The following FOXN3 variants were observed in gnomAD, a reference collection of about 807,000 sequenced individuals.
The protein encoded by FOXN3 is forkhead box N3, also known as forkhead box protein N3.
A neutral mutation model predicts 38.4 loss-of-function variants in FOXN3; 7 were observed. The observed-to-expected ratio is 0.18, with a 90% CI of 0.10 to 0.34. The LOEUF (loss-of-function observed/expected upper bound fraction) is 0.34. Among genes scored for constraint, FOXN3 ranks in the 10% least tolerant of loss-of-function variants. The pLI is 1.00. For synonymous variants in FOXN3, 230 were observed against 242.2 expected, an observed-to-expected ratio of 0.95 and a Z score of 0.47; for missense variants, 456 against 613.4, an observed-to-expected ratio of 0.74 and a Z score of 2.71.
chr14:89,434,221 C>CTTTT (rs1197630812), intron 1 of FOXN3, among the ~76,000 whole-genome samples: 4 of 124,730 alleles, frequency 3.2e-5, no homozygotes, highest in African/African-American at 9.3e-5. Context: ...CTGCGCAAGC[C>CTTTT]TTTTTTTTTT....
intron 1 of FOXN3, among the ~76,000 whole-genome samples, chr14:89,416,119 C>A (rs1051682420): frequency 3.3e-5 from 5 of 152,190 alleles, no homozygotes; most frequent in African/African-American, 1.2e-4. Context: ...CCCCCGCCCA[C>A]CCAGCACGCG....
chr14:89,339,735 C>A (rs149785697), intron 3 of FOXN3, among the ~76,000 whole-genome samples: 10 of 152,366 alleles, frequency 6.6e-5, no homozygotes, highest in African/African-American at 2.4e-4. Context: ...TGGCCTCCTC[C>A]TCCTGAGGGT....
At chr14:89,431,241 G>T (rs571392637) in intron 1 of FOXN3, among the ~76,000 whole-genome samples, 3 of 151,954 alleles carry the variant, frequency 2.0e-5, no homozygotes, top group Non-Finnish European at 2.9e-5. Flanking sequence ...CTCTCTCCCA[G>T]GCTGGATGGA....
intron 4 of FOXN3, among the ~76,000 whole-genome samples, chr14:89,200,207 G>A (rs1329621279): frequency 6.6e-6 from 1 of 152,130 alleles, no homozygotes; most frequent in Non-Finnish European, 1.5e-5. Context: ...ACAGTGACTG[G>A]TAAACTCTAA....
At chr14:89,380,645 C>T (rs1890618121) in intron 2 of FOXN3, among the ~76,000 whole-genome samples, 1 of 152,256 alleles carries the variant, frequency 6.6e-6, no homozygotes, top group South Asian at 2.1e-4. Context: ...CTGCTTCTCA[C>T]TCAGCATGCT....
At chr14:89,234,973 G>A (rs567785056) in intron 4 of FOXN3, among the ~76,000 whole-genome samples, 1 of 152,262 alleles carries the variant, frequency 6.6e-6, no homozygotes, top group African/African-American at 2.4e-5. Context: ...AGCAAGAAAT[G>A]AAGTCACCTG....
At chr14:89,608,752 G>A (rs1896331118) in intron 1 of FOXN3, among the ~76,000 whole-genome samples, 1 of 152,212 alleles carries the variant, frequency 6.6e-6, no homozygotes, top group African/African-American at 2.4e-5. Flanking sequence ...AAGAACTGGG[G>A]ATGGGGTAGG....
At chr14:89,382,202 CCT>C (rs1274694845) in intron 2 of FOXN3, among the ~76,000 whole-genome samples, 1 of 152,114 alleles carries the variant, frequency 6.6e-6, no homozygotes, top group East Asian at 1.9e-4. Flanking sequence ...GTGGGTTCTA[CCT>C]CTGTGACAGT....
intron 1 of FOXN3, among the ~76,000 whole-genome samples, chr14:89,589,336 C>G (rs372935557): frequency 3.9e-5 from 6 of 152,122 alleles, no homozygotes; most frequent in East Asian, 1.9e-4. Context: ...CTTAAAAACA[C>G]AATAAACTTG....
chr14:89,270,374 G>T (rs1340079707), intron 4 of FOXN3, among the ~76,000 whole-genome samples: 2 of 152,254 alleles, frequency 1.3e-5, no homozygotes, highest in Non-Finnish European at 2.9e-5. Context: ...GAAATTGCAA[G>T]ACATTGCAGA....
At chr14:89,319,737 C>T (rs1887844686) in intron 3 of FOXN3, among the ~76,000 whole-genome samples, 1 of 152,154 alleles carries the variant, frequency 6.6e-6, no homozygotes, top group South Asian at 2.1e-4. Flanking sequence ...AATGATGTAG[C>T]TCCATTTTAT....
At chr14:89,372,685 T>C (rs1309315057) in intron 2 of FOXN3, among the ~76,000 whole-genome samples, 1 of 151,052 alleles carries the variant, frequency 6.6e-6, no homozygotes, top group African/African-American at 2.4e-5. Context: ...GGAACCAAAG[T>C]TTCAAATTTA....
At chr14:89,530,815 G>A (rs1894544807) in intron 1 of FOXN3, among the ~76,000 whole-genome samples, 1 of 150,308 alleles carries the variant, frequency 6.7e-6, no homozygotes, top group African/African-American at 2.4e-5. Context: ...TCACCATGTT[G>A]GCCAGGCTGG....
At chr14:89,519,071 T>G (rs1894268016) in intron 1 of FOXN3, among the ~76,000 whole-genome samples, 1 of 151,740 alleles carries the variant, frequency 6.6e-6, no homozygotes, top group African/African-American at 2.4e-5. Flanking sequence ...GAGCTATGGA[T>G]GAACACGGTG....
rs569584065 is a variant in FOXN3 at position 89,460,415 on chromosome 14, A to AT, written c.-14-47926dup. On this transcript the variant is annotated intron_variant, in intron 1 of 6. Transcript: ENST00000345097. ...CATCCCACACCTAGTTTCTTCCGGC[A>AT]TAACAAATGCCAATGATATGCAAAC... 4.6e-3 allele frequency among the ~76,000 whole-genome samples: 701 copies of AT among 152,328 alleles called. 5 individuals are homozygous for AT. Among genetic ancestry groups the AT allele is most frequent in the Middle Eastern group, 0.014 (4 of 294 alleles).
intron 4 of FOXN3, among the ~76,000 whole-genome samples, chr14:89,243,127 A>G (rs991760168): frequency 5.3e-5 from 8 of 152,202 alleles, no homozygotes; most frequent in African/African-American, 1.9e-4. Context: ...CCTCCCTCCC[A>G]GGAGGGGGCT....
At chr14:89,561,794 G>A (rs1234595173) in intron 1 of FOXN3, among the ~76,000 whole-genome samples, 1 of 152,092 alleles carries the variant, frequency 6.6e-6, no homozygotes, top group African/African-American at 2.4e-5. Context: ...CTAGGAAGTA[G>A]GAGTTTAACA....
In FOXN3 at chr14:89,566,755, CCCTCCTCCT is replaced by C. The variant is rs71107531; in HGVS notation, c.-15+52264_-15+52272del. Among the ~76,000 whole-genome samples the C allele has an allele frequency of 6.7e-5, 10 of 149,050 alleles. No individual in the cohort carries two copies. In the East Asian group the frequency reaches 1.4e-3, roughly 21 times the overall value. ...GGGTGAAGCCTGTGGCTTTACCATT[CCCTCCTCCT>C]CCTCCTCCTCCTCCTCCTTTCACTC... On this transcript the variant is annotated intron_variant, in intron 1 of 6. Transcript: ENST00000345097.
At chr14:89,604,719 A>C (rs539741076) in intron 1 of FOXN3, among the ~76,000 whole-genome samples, 12 of 152,194 alleles carry the variant, frequency 7.9e-5, no homozygotes, top group Non-Finnish European at 1.8e-4. Context: ...AAATAAGTTG[A>C]CATCTGAACA....
Sources: allele counts gnomAD v4.1 joint callset (sites outside exome capture counted in the v4.1 genomes callset), GRCh38; gene constraint gnomAD v4.1.1; transcripts MANE v1.5; gene names NCBI Gene and HGNC (gene_info 2026-07-23, HGNC 2026-07-21).